Variants in BAIAP2 observed in about 807,000 individuals in gnomAD.
BAIAP2 encodes BAR/IMD domain containing adaptor protein 2.
A neutral mutation model predicts 63.0 loss-of-function variants in BAIAP2; 18 were observed. The ratio of observed to expected loss-of-function variants is 0.29; its 90% CI spans 0.20 to 0.42. BAIAP2 has a LOEUF of 0.42. BAIAP2 is among the 10% of genes least tolerant of loss of function. BAIAP2 has a pLI of 1.00. For missense variants in BAIAP2, 610 were observed against 734.3 expected (o/e 0.83, Z 1.96); for synonymous variants, 386 against 307.6 (o/e 1.25, Z -2.67).
At position 81,048,474 on chromosome 17, in the gene BAIAP2, C is replaced by T. The variant is rs140495863; in HGVS notation, c.55-5194C>T. Among the ~76,000 whole-genome samples the T allele has an allele frequency of 4.0e-5, 6 of 151,766 alleles. No homozygotes were observed. In the East Asian group the frequency reaches 1.2e-3, roughly 30 times the overall value. ...GGCAGAGGTCCTTTCTGTAAATGTACTGGCCACTCTCCCTTTGTTCCCCAA... is the reference window on the plus strand; with the variant it reads ...GGCAGAGGTCCTTTCTGTAAATGTATTGGCCACTCTCCCTTTGTTCCCCAA... On this transcript the variant is annotated intron_variant, in intron 1 of 13. Coordinates refer to ENST00000428708, the MANE Select transcript of BAIAP2 (RefSeq NM_001144888.2).
intron 4 of BAIAP2, 72 bp downstream of exon 4, chr17:81,084,965 C>T (rs549634906): frequency 6.1e-5 from 90 of 1,482,500 alleles, no homozygotes; most frequent in African/African-American, 1.7e-4. Context: ...ACACCTTGGC[C>T]GTGTGTCCAC....
At position 81,071,408 on chromosome 17, in the gene BAIAP2, G is replaced by A. The variant is rs193249486; in HGVS notation, c.218-13424G>A. Reference sequence around the variant, plus strand: ...CCCAGGTGGGTGGTGATGAGCTCTCGAGGTGCCTTTGGGCTCTGGAAGCCA... The same window carrying A: ...CCCAGGTGGGTGGTGATGAGCTCTCAAGGTGCCTTTGGGCTCTGGAAGCCA... On this transcript the variant is annotated intron_variant, in intron 3 of 13. Coordinates refer to ENST00000428708, the MANE Select transcript of BAIAP2 (RefSeq NM_001144888.2). Among the ~76,000 whole-genome samples, 472 of 152,288 alleles carry A rather than the reference G, an allele frequency of 3.1e-3. 2 individuals are homozygous for A. The highest frequency in any genetic ancestry group is 0.01 in the African/African-American group (421 of 41,566).
intron 1 of BAIAP2, chr17:81,037,021 C>T (rs12951367): frequency 0.044 from 61,579 of 1,414,472 alleles, 1,614 homozygotes; most frequent in Non-Finnish European, 0.05. Flanking sequence ...CTTAATAAAA[C>T]TCTCCTAACC....
chr17:81,114,473 C>G (rs960183131), intron 13 of BAIAP2, among the ~76,000 whole-genome samples: 1 of 152,158 alleles, frequency 6.6e-6, no homozygotes, highest in Admixed American at 6.5e-5. Context: ...CAAAGCTGCA[C>G]CGATCAAAGC....
intron 6 of BAIAP2, among the ~76,000 whole-genome samples, chr17:81,088,686 C>A (rs1462531617): frequency 3.9e-5 from 6 of 152,236 alleles, no homozygotes; most frequent in Non-Finnish European, 8.8e-5. Context: ...CCAGCCTCCT[C>A]CCCTCTTACT....
At chr17:81,080,975 C>G (rs1258063032) in intron 3 of BAIAP2, among the ~76,000 whole-genome samples, 1 of 152,240 alleles carries the variant, frequency 6.6e-6, no homozygotes, top group South Asian at 2.1e-4. Flanking sequence ...CCGGCGACCT[C>G]GCAAAGGCTG....
chr17:81,100,177 G>GGC, intron 7 of BAIAP2, 97 bp downstream of exon 7: 1 of 1,434,912 alleles, frequency 7.0e-7, no homozygotes, highest in Non-Finnish European at 9.2e-7. Flanking sequence ...AACACACCGG[G>GGC]GCAGTGTCCA....
In BAIAP2 at chr17:81,106,881, A is replaced by G. The variant is rs2059244525; in HGVS notation, c.1474A>G (p.Ser492Gly). 3 of 1,587,128 alleles carry G rather than the reference A, an allele frequency of 1.9e-6. No homozygotes were observed. The highest frequency in any genetic ancestry group is 1.3e-5 in the African/African-American group (1 of 74,162). The stretch of plus-strand genomic sequence containing the variant: ...CAGCGGCTTCAAGCAGAGGCCCTAC[A>G]GTGTGGCCGTGCCCGCCTTCTCCCA... Reference protein sequence around the residue: ...TASGFKQRPYSVAVPAFSQGL... With the variant: ...TASGFKQRPYGVAVPAFSQGL... The change falls in exon 12 of 14, where the codon AGT becomes GGT. Residue 492 changes from serine to glycine, a missense_variant. Ser to Gly is a moderately conservative substitution (Grantham distance 56, BLOSUM62 0). Transcript: ENST00000428708.
At chr17:81,077,517 G>A (rs919650652) in intron 3 of BAIAP2, among the ~76,000 whole-genome samples, 2 of 151,694 alleles carry the variant, frequency 1.3e-5, no homozygotes, top group Admixed American at 6.6e-5. Context: ...GCAGTGAGCC[G>A]AGATAGTGCC....
chr17:81,052,540 A>G (rs911981693), intron 1 of BAIAP2, among the ~76,000 whole-genome samples: 2 of 152,242 alleles, frequency 1.3e-5, no homozygotes, highest in Non-Finnish European at 2.9e-5. Flanking sequence ...GGCGTAGTGC[A>G]GAACTCGGGG....
At chr17:81,042,293 C>A (rs2047192546) in intron 1 of BAIAP2, among the ~76,000 whole-genome samples, 1 of 150,404 alleles carries the variant, frequency 6.6e-6, no homozygotes. Context: ...CAGGCGTGCC[C>A]CACCTGTGTG....
At chr17:81,050,838 C>T (rs1370321631) in intron 1 of BAIAP2, among the ~76,000 whole-genome samples, 1 of 149,328 alleles carries the variant, frequency 6.7e-6, no homozygotes, top group East Asian at 2.0e-4. Context: ...CTAGAGTCGG[C>T]CGCATCCTCC....
chr17:81,108,264 C>T (rs905082646), intron 12 of BAIAP2: 2 of 604,932 alleles, frequency 3.3e-6, no homozygotes, highest in South Asian at 4.0e-5. Flanking sequence ...GAGGTATCCC[C>T]TTTAATTTGG....
At chr17:81,108,418 TG>T (rs2059429476) in intron 12 of BAIAP2, 56 bp from the exon 13 acceptor site, 1 of 1,594,196 alleles carries the variant, frequency 6.3e-7, no homozygotes, top group Non-Finnish European at 8.6e-7. Context: ...AGGCAGCGGG[TG>T]GGGGTGACCA....
At position 81,103,467 on chromosome 17, in the gene BAIAP2, C is replaced by A. The variant is rs774838970; in HGVS notation, c.643-35C>A. 5.6e-5 allele frequency: 86 copies of A among 1,531,748 alleles called. 1 individual carries two copies. Among genetic ancestry groups the A allele is most frequent in the Non-Finnish European group, 7.3e-5 (83 of 1,143,358 alleles). The allele number at this position is 1,531,748 out of a possible 1,614,324, so 94.9% of individuals were successfully genotyped here. A position where few individuals can be genotyped will look rare whatever the true frequency, so the allele number is the denominator to read the frequency against. The stretch of plus-strand genomic sequence containing the variant: ...GCCTGGCTGCAGGAGACTGAGCCGG[C>A]CCTGACCCCTCCCTTCCTGCTGCTT... On this transcript the variant is annotated intron_variant, in intron 7 of 13. Transcript: ENST00000428708.
At chr17:81,061,917 C>A (rs959603400) in intron 3 of BAIAP2, among the ~76,000 whole-genome samples, 1 of 152,142 alleles carries the variant, frequency 6.6e-6, no homozygotes, top group East Asian at 1.9e-4. Context: ...TGCTTTCAGT[C>A]TGGTGGGCCT....
chr17:81,065,914 C>G (rs913871717), intron 3 of BAIAP2, among the ~76,000 whole-genome samples: 2 of 152,246 alleles, frequency 1.3e-5, no homozygotes, highest in African/African-American at 4.8e-5. Context: ...CTCTTCAGGA[C>G]GGTGCCCTGT....
intron 3 of BAIAP2, among the ~76,000 whole-genome samples, chr17:81,084,456 G>A (rs887709976): frequency 4.6e-5 from 7 of 152,140 alleles, no homozygotes; most frequent in African/African-American, 1.2e-4. Flanking sequence ...TAGGAGGTTC[G>A]GAGCTCTTGG....
chr17:81,084,918 T>C, intron 4 of BAIAP2, 25 bp downstream of exon 4: 1 of 1,612,618 alleles, frequency 6.2e-7, no homozygotes, highest in Non-Finnish European at 8.5e-7. Flanking sequence ...AGCGTGGCCC[T>C]GCGAGGAGGG....
Sources: gnomAD v4.1 joint callset for allele counts (sites outside exome capture counted in the v4.1 genomes callset) on GRCh38, gnomAD v4.1.1 for gene constraint, MANE v1.5 for transcripts, NCBI Gene and HGNC (gene_info 2026-07-23, HGNC 2026-07-21) for gene names.